The following BMPR1B variants were observed in gnomAD, a reference collection of about 807,000 sequenced individuals.
The protein encoded by BMPR1B is bone morphogenetic protein receptor type-1B.
BMPR1B carries 12 observed loss-of-function variants against 59.1 expected under a neutral mutation model. The ratio of observed to expected loss-of-function variants is 0.20; its 90% CI spans 0.13 to 0.33. BMPR1B has a LOEUF of 0.33. Ranked by LOEUF, BMPR1B falls within the 10% of genes least tolerant of loss-of-function variation. BMPR1B has a pLI of 1.00. For synonymous variants in BMPR1B, 237 were observed against 207.3 expected, an observed-to-expected ratio of 1.14 and a Z score of -1.23; for missense variants, 550 against 610.9, an observed-to-expected ratio of 0.90 and a Z score of 1.05.
At chr4:94,963,806 G>A (rs541719081) in intron 2 of BMPR1B, among the ~76,000 whole-genome samples, 1 of 151,686 alleles carries the variant, frequency 6.6e-6, no homozygotes. Context: ...GATTTTTTTC[G>A]CTATTCTAGG....
chr4:95,120,856 T>TCTCC (rs1469762884), intron 6 of BMPR1B, among the ~76,000 whole-genome samples: 1 of 146,020 alleles, frequency 6.8e-6, no homozygotes, highest in Admixed American at 6.8e-5. Flanking sequence ...TCACCCAGGC[T>TCTCC]GGAGTGCAGT....
intron 1 of BMPR1B, among the ~76,000 whole-genome samples, chr4:94,869,138 ACACACT>A (rs1417211913): frequency 3.1e-4 from 40 of 129,076 alleles, no homozygotes; most frequent in African/African-American, 1.1e-3. Flanking sequence ...ACACACACAC[ACACACT>A]TTGCTTTAAA....
chr4:94,963,823 G>T (rs943869859), intron 2 of BMPR1B, among the ~76,000 whole-genome samples: 1 of 151,998 alleles, frequency 6.6e-6, no homozygotes, highest in African/African-American at 2.4e-5. Flanking sequence ...TAGGTCTTTT[G>T]TGGTTCCATG....
At chr4:94,988,967 T>C (rs1721573675) in intron 2 of BMPR1B, among the ~76,000 whole-genome samples, 1 of 152,148 alleles carries the variant, frequency 6.6e-6, no homozygotes, top group Non-Finnish European at 1.5e-5. Flanking sequence ...GCGTCACCTG[T>C]TCCCTCAGGT....
intron 1 of BMPR1B, among the ~76,000 whole-genome samples, chr4:94,865,153 G>A (rs185893005): frequency 2.0e-5 from 3 of 151,652 alleles, no homozygotes; most frequent in African/African-American, 7.3e-5. Flanking sequence ...GGGACTACAG[G>A]CATGTGCCAC....
intron 2 of BMPR1B, among the ~76,000 whole-genome samples, chr4:94,951,976 T>A (rs1729957461): frequency 6.6e-6 from 1 of 152,152 alleles, no homozygotes; most frequent in Non-Finnish European, 1.5e-5. Flanking sequence ...TCTTCCTGGT[T>A]TAGTCTTGAG....
intron 3 of BMPR1B, among the ~76,000 whole-genome samples, chr4:95,099,608 G>A (rs970332974): frequency 6.6e-5 from 10 of 151,896 alleles, no homozygotes; most frequent in African/African-American, 1.5e-4. Context: ...GCGCGCACAC[G>A]CACACACACG....
intron 10 of BMPR1B, among the ~76,000 whole-genome samples, chr4:95,138,399 CT>C (rs1301777365): frequency 6.6e-6 from 1 of 152,100 alleles, no homozygotes; most frequent in African/African-American, 2.4e-5. Context: ...AGTTGCTCTT[CT>C]TGAGGAGTAT....
chr4:94,922,919 T>C (rs574659223), intron 2 of BMPR1B, among the ~76,000 whole-genome samples: 1 of 152,274 alleles, frequency 6.6e-6, no homozygotes. Flanking sequence ...TTCTCTAGGT[T>C]GTACTAAAAT....
At chr4:94,826,042 A>G (rs1724369724) in intron 1 of BMPR1B, among the ~76,000 whole-genome samples, 1 of 149,932 alleles carries the variant, frequency 6.7e-6, no homozygotes, top group African/African-American at 2.5e-5. Context: ...TTATTTGTGG[A>G]AAAAAAAATT....
intron 1 of BMPR1B, among the ~76,000 whole-genome samples, chr4:94,840,149 T>C (rs1461050990): frequency 6.7e-6 from 1 of 148,998 alleles, no homozygotes; most frequent in African/African-American, 2.5e-5. Flanking sequence ...TCTGATGGGC[T>C]TCCCTTTGTG....
intron 3 of BMPR1B, among the ~76,000 whole-genome samples, chr4:95,053,863 C>T (rs1027216485): frequency 2.6e-5 from 4 of 152,212 alleles, no homozygotes; most frequent in African/African-American, 9.6e-5. Context: ...CAGAGAAGGA[C>T]TATGAGATTA....
At chr4:94,972,066 T>C (rs1730811779) in intron 2 of BMPR1B, among the ~76,000 whole-genome samples, 1 of 151,648 alleles carries the variant, frequency 6.6e-6, no homozygotes, top group Non-Finnish European at 1.5e-5. Context: ...AACTTAATAG[T>C]ATCATTGCAA....
chr4:94,979,469 G>C (rs1200359253), intron 2 of BMPR1B, among the ~76,000 whole-genome samples: 2 of 152,208 alleles, frequency 1.3e-5, no homozygotes, highest in Non-Finnish European at 2.9e-5. Flanking sequence ...AATTATGACT[G>C]TGGGTGGTGC....
chr4:95,152,617 T>TAATAA (rs1735126788), intron 11 of BMPR1B, 26 bp from the exon 12 acceptor site: 2 of 1,494,346 alleles, frequency 1.3e-6, no homozygotes, highest in African/African-American at 2.8e-5. Context: ...ATAATAATAA[T>TAATAA]AATAATAGTA....
Position 95,111,151 on chromosome 4 carries a change from G to A in BMPR1B, c.144-3569G>A, listed in dbSNP as rs114761931. On this transcript the variant is annotated intron_variant, in intron 4 of 12. Transcript: ENST00000515059. ...AATCTTTCCAGCCAGGTGCAACTGA[G>A]CAGATAGATACCCATCATATAAATA... 2.7e-3 allele frequency among the ~76,000 whole-genome samples: 413 copies of A among 152,232 alleles called. 2 individuals are homozygous for A. Among genetic ancestry groups the A allele is most frequent in the African/African-American group, 9.3e-3 (387 of 41,564 alleles).
At chr4:94,906,602 C>A (rs1307326325) in intron 2 of BMPR1B, among the ~76,000 whole-genome samples, 2 of 152,028 alleles carry the variant, frequency 1.3e-5, no homozygotes, top group East Asian at 3.9e-4. Context: ...CACATATATA[C>A]CTATGTAACA....
intron 1 of BMPR1B, among the ~76,000 whole-genome samples, chr4:94,853,853 G>T (rs904127350): frequency 6.6e-6 from 1 of 152,050 alleles, no homozygotes; most frequent in Non-Finnish European, 1.5e-5. Context: ...TTATAGAATT[G>T]CTCCAATTTT....
At chr4:94,961,562 C>T (rs557561609) in intron 2 of BMPR1B, among the ~76,000 whole-genome samples, 1 of 152,242 alleles carries the variant, frequency 6.6e-6, no homozygotes, top group South Asian at 2.1e-4. Context: ...TTCCTTAAAT[C>T]ATTTGAAATT....
Sources: gnomAD v4.1 joint callset for allele counts (sites outside exome capture counted in the v4.1 genomes callset) on GRCh38, gnomAD v4.1.1 for gene constraint, MANE v1.5 for transcripts, NCBI Gene and HGNC (gene_info 2026-07-23, HGNC 2026-07-21) for gene names.